CEP70: variants seen among roughly 807,000 people sequenced by gnomAD.
CEP70 encodes centrosomal protein of 70 kDa.
In CEP70, 70 loss-of-function variants were observed where a neutral mutation model predicts 90.9. The ratio of observed to expected loss-of-function variants is 0.77; its 90% CI spans 0.64 to 0.94. The LOEUF is 0.94. Among genes scored for constraint, CEP70 ranks in the 40% least tolerant of loss-of-function variants. The pLI, the probability that CEP70 is intolerant of heterozygous loss-of-function variation, is 0.00. For missense variants in CEP70, 648 were observed against 669.0 expected (o/e 0.97, Z 0.35); for synonymous variants, 220 against 228.3 (o/e 0.96, Z 0.33).
intron 6 of CEP70, among the ~76,000 whole-genome samples, chr3:138,538,120 C>A (rs2038442349): frequency 6.6e-6 from 1 of 152,174 alleles, no homozygotes; most frequent in Non-Finnish European, 1.5e-5. Flanking sequence ...GGGTTCCTTG[C>A]AGGAGAACTG....
intron 2 of CEP70, among the ~76,000 whole-genome samples, chr3:138,583,886 T>C (rs976936262): frequency 6.6e-6 from 1 of 151,846 alleles, no homozygotes; most frequent in Non-Finnish European, 1.5e-5. Flanking sequence ...GAACTAGAAC[T>C]AGAAAAGCAG....
intron 2 of CEP70, among the ~76,000 whole-genome samples, chr3:138,578,830 C>A (rs1421002658): frequency 6.6e-6 from 1 of 152,214 alleles, no homozygotes; most frequent in African/African-American, 2.4e-5. Context: ...AATGACTGAA[C>A]AGAAGCCTCC....
chr3:138,518,391 G>C (rs967156914), intron 11 of CEP70, among the ~76,000 whole-genome samples: 2 of 152,188 alleles, frequency 1.3e-5, no homozygotes, highest in African/African-American at 2.4e-5. Context: ...CTCCTCAAGT[G>C]GGTCCCTGAC....
Position 138,565,174 on chromosome 3 carries a change from T to A in CEP70, c.465+5144A>T, listed in dbSNP as rs185507172. ...GACCTTTTCAAGGAGAACTACAAAC[T>A]ACTGCTCAAGGAAATAAGAGAGGAC... On this transcript the variant is annotated intron_variant, in intron 6 of 17. Coordinates refer to ENST00000264982, the MANE Select transcript of CEP70 (RefSeq NM_024491.4). Among the ~76,000 whole-genome samples, 831 of 152,056 alleles carry A rather than the reference T, an allele frequency of 5.5e-3. 4 individuals are homozygous for A. The highest frequency in any genetic ancestry group is 9.6e-3 in the Non-Finnish European group (654 of 67,930).
intron 6 of CEP70, among the ~76,000 whole-genome samples, chr3:138,547,871 A>C (rs2039332153): frequency 6.6e-6 from 1 of 152,186 alleles, no homozygotes; most frequent in South Asian, 2.1e-4. Context: ...TACAATTTTA[A>C]ACTTATGAAC....
rs199654930 is a variant in CEP70, at chr3:138,570,535, T to G, written c.285-37A>C. ...GACATACAATTTCTTCCCTTAGTATTAAAAATAAATCGAATTACCAAGCAT... is the reference window on the plus strand; with the variant it reads ...GACATACAATTTCTTCCCTTAGTATGAAAAATAAATCGAATTACCAAGCAT... On this transcript the variant is annotated intron_variant, in intron 5 of 17. Coordinates refer to ENST00000264982, the MANE Select transcript of CEP70 (RefSeq NM_024491.4). The G allele has an allele frequency of 2.7e-5, 41 of 1,501,354 alleles. No homozygotes were observed. The African/African-American group carries it at 5.4e-4, about 20-fold the overall frequency. 93.0% of individuals were successfully genotyped at this position (1,501,354 alleles called of 1,614,324 possible).
At chr3:138,574,200 T>C (rs11717771) in intron 2 of CEP70, among the ~76,000 whole-genome samples, 67,206 of 152,078 alleles carry the variant, frequency 0.44, 16,917 homozygotes, top group Admixed American at 0.6. Context: ...AAGGAAGCCG[T>C]GACAGACTGT....
intron 11 of CEP70, among the ~76,000 whole-genome samples, chr3:138,518,510 C>G (rs2036281076): frequency 6.6e-6 from 1 of 152,210 alleles, no homozygotes; most frequent in Non-Finnish European, 1.5e-5. Context: ...CGGGCAGCAA[C>G]ATTTGCTGTG....
intron 6 of CEP70, among the ~76,000 whole-genome samples, chr3:138,560,174 T>C (rs1005908458): frequency 1.3e-5 from 2 of 152,100 alleles, no homozygotes; most frequent in Non-Finnish European, 2.9e-5. Context: ...GTTCATCTAA[T>C]TGGGATTGGT....
chr3:138,496,150 C>A, intron 17 of CEP70: 1 of 985,392 alleles, frequency 1.0e-6, no homozygotes, highest in Non-Finnish European at 1.2e-6. Flanking sequence ...TCTCTAGATA[C>A]CCACACTTTT....
At chr3:138,552,675 T>G (rs1010398626) in intron 6 of CEP70, among the ~76,000 whole-genome samples, 2 of 151,600 alleles carry the variant, frequency 1.3e-5, no homozygotes, top group Non-Finnish European at 2.9e-5. Context: ...ACAGTAAAGG[T>G]GGTGCTAAGA....
intron 7 of CEP70, among the ~76,000 whole-genome samples, chr3:138,534,721 A>G (rs2038115191): frequency 6.6e-6 from 1 of 152,090 alleles, no homozygotes; most frequent in South Asian, 2.1e-4. Flanking sequence ...AGTTCTCTGG[A>G]GTTTGGCCCT....
intron 12 of CEP70, among the ~76,000 whole-genome samples, 199 bp from the exon 13 acceptor site, chr3:138,505,664 C>T (rs185960536): frequency 2.6e-5 from 4 of 152,058 alleles, no homozygotes; most frequent in African/African-American, 9.7e-5. Context: ...TAAGCGAAGA[C>T]CCAGAAAAGG....
rs143357236 is a variant in CEP70, at chr3:138,559,290, A to G, written c.465+11028T>C. Among the ~76,000 whole-genome samples the G allele has an allele frequency of 7.0e-4, 106 of 152,230 alleles. 1 individual carries two copies. The highest frequency in any genetic ancestry group is 1.3e-4 in the Non-Finnish European group (9 of 68,046). On this transcript the variant is annotated intron_variant, in intron 6 of 17. Transcript: ENST00000264982. ...CTCCTGGGCAAATTGAAAAGAGAAA[A>G]TGAGGCAGAAACAATATTTGAAGAC...
intron 6 of CEP70, among the ~76,000 whole-genome samples, chr3:138,548,428 T>C (rs1375740559): frequency 6.6e-6 from 1 of 152,186 alleles, no homozygotes; most frequent in African/African-American, 2.4e-5. Context: ...TAAAATGCAA[T>C]ATATAAACTA....
chr3:138,524,680 C>A (rs2037029324), intron 11 of CEP70, among the ~76,000 whole-genome samples: 2 of 152,206 alleles, frequency 1.3e-5, no homozygotes, highest in African/African-American at 4.8e-5. Context: ...TCATCACTGG[C>A]CATCAGAGAA....
intron 2 of CEP70, among the ~76,000 whole-genome samples, chr3:138,586,449 A>G (rs1442357019): frequency 6.6e-6 from 1 of 152,252 alleles, no homozygotes; most frequent in African/African-American, 2.4e-5. Flanking sequence ...AGACAAATGG[A>G]TAAAGAAAAT....
At chr3:138,569,340 T>C (rs1005384153) in intron 6 of CEP70, among the ~76,000 whole-genome samples, 12 of 152,212 alleles carry the variant, frequency 7.9e-5, no homozygotes, top group African/African-American at 2.9e-4. Flanking sequence ...AACGTATATA[T>C]AGTGTTGTGT....
chr3:138,505,556 T>TA, intron 12 of CEP70, 91 bp from the exon 13 acceptor site: 7 of 687,592 alleles, frequency 1.0e-5, no homozygotes, highest in Non-Finnish European at 1.5e-5. Context: ...TCTATATATA[T>TA]TATATACACA....
Sources: allele counts gnomAD v4.1 joint callset (sites outside exome capture counted in the v4.1 genomes callset), GRCh38; gene constraint gnomAD v4.1.1; transcripts MANE v1.5; gene names NCBI Gene and HGNC (gene_info 2026-07-23, HGNC 2026-07-21).